CRK: variants seen among roughly 807,000 people sequenced by gnomAD.
The protein encoded by CRK is adapter molecule crk.
In CRK, 4 loss-of-function variants were observed where a neutral mutation model predicts 29.8. The observed-to-expected ratio is 0.13, with a 90% CI of 0.07 to 0.31. The LOEUF (loss-of-function observed/expected upper bound fraction) is 0.31, where lower values mean the gene tolerates loss of function less well. Ranked by LOEUF, CRK falls within the 10% of genes least tolerant of loss-of-function variation. The pLI is 1.00. For synonymous variants in CRK, 153 were observed against 164.9 expected (o/e 0.93, Z 0.55); for missense variants, 274 against 396.5 (o/e 0.69, Z 2.62).
chr17:1,447,366 C>G (rs1247110355), intron 1 of CRK, among the ~76,000 whole-genome samples: 1 of 151,788 alleles, frequency 6.6e-6, no homozygotes, highest in Admixed American at 6.6e-5. Context: ...AAACGGAAAT[C>G]AAAATCAATG....
intron 1 of CRK, among the ~76,000 whole-genome samples, chr17:1,453,014 G>A (rs2074030469): frequency 6.6e-6 from 1 of 152,160 alleles, no homozygotes; most frequent in Non-Finnish European, 1.5e-5. Context: ...AGGATGAAGT[G>A]GGAGGATGGC....
intron 1 of CRK, among the ~76,000 whole-genome samples, chr17:1,444,042 G>A (rs1326262778): frequency 6.6e-6 from 1 of 151,852 alleles, no homozygotes; most frequent in Non-Finnish European, 1.5e-5. Context: ...TGTCGCCCAG[G>A]CAGGTCTTGA....
chr17:1,441,497 AT>A (rs967972387), intron 1 of CRK, among the ~76,000 whole-genome samples: 24 of 146,444 alleles, frequency 1.6e-4, no homozygotes, highest in African/African-American at 2.0e-4. Context: ...CACCCAGCTG[AT>A]TTTTTTTTTT....
chr17:1,432,247 G>A (rs898884538), intron 2 of CRK, among the ~76,000 whole-genome samples: 9 of 152,122 alleles, frequency 5.9e-5, no homozygotes, highest in African/African-American at 2.2e-4. Flanking sequence ...CCAGCACTTT[G>A]GGAGGCTGAG....
At chr17:1,441,651 C>T (rs2073935975) in intron 1 of CRK, among the ~76,000 whole-genome samples, 1 of 151,888 alleles carries the variant, frequency 6.6e-6, no homozygotes. Context: ...GCCACCACAC[C>T]CGGCTAATTT....
intron 2 of CRK, 146 bp downstream of exon 2, chr17:1,436,474 C>T (rs1423888482): frequency 2.4e-6 from 2 of 816,922 alleles, no homozygotes; most frequent in African/African-American, 1.8e-5. Flanking sequence ...AAGAGAAAAC[C>T]CAACATTCAA....
chr17:1,455,884 A>G lies in CRK; in HGVS notation c.234T>C (p.Pro78=). The change falls in exon 1 of 3, where the codon CCT becomes CCC. Residue 78 remains proline (P), a synonymous_variant. Transcript: ENST00000300574. The part of the protein sequence containing the change: ...RPPVPPSPAQ[P]PPGVSPSRLR... ...GTCCCGTCAGTCCCTCACCGGGCGG[A>G]GGCTGGGCGGGCGACGGTGGCACCG... The G allele has an allele frequency of 1.9e-6, 3 of 1,584,242 alleles. No individual in the cohort carries two copies. In the South Asian group the frequency reaches 3.4e-5, roughly 18 times the overall value.
At chr17:1,427,454 G>A (rs1295530040) in intron 2 of CRK, among the ~76,000 whole-genome samples, 7 of 151,472 alleles carry the variant, frequency 4.6e-5, no homozygotes, top group Admixed American at 1.3e-4. Flanking sequence ...TTAGCCAGGC[G>A]TGCTGGCGGG....
chr17:1,431,690 C>T (rs1490306240), intron 2 of CRK, among the ~76,000 whole-genome samples: 15 of 152,166 alleles, frequency 9.9e-5, no homozygotes, highest in Non-Finnish European at 2.1e-4. Flanking sequence ...CAGGCTGAAG[C>T]CATCCTCCCA....
intron 1 of CRK, among the ~76,000 whole-genome samples, chr17:1,442,936 C>G (rs1320405958): frequency 6.6e-6 from 1 of 150,958 alleles, no homozygotes; most frequent in Non-Finnish European, 1.5e-5. Flanking sequence ...GCTGTCCAGG[C>G]TGGAGTGCAG....
intron 2 of CRK, among the ~76,000 whole-genome samples, chr17:1,424,275 C>T (rs553050694): frequency 2.6e-5 from 4 of 152,210 alleles, no homozygotes; most frequent in African/African-American, 9.6e-5. Flanking sequence ...CCATCTTGGC[C>T]AGGCTGGTCT....
Position 1,436,740 on chromosome 17 carries a change from C to A in CRK, c.657G>T (p.Gly219=). ...TGTTGACGCTGGGTTGGGCATAGGG[C>A]CCAGGCTCCGGCCCACCCAGTGGCT... is the stretch of plus-strand genomic sequence containing the variant. ...HPQPLGGPEP[G]PYAQPSVNTP... Residue 219 remains glycine, a synonymous_variant, in exon 2 of 3, where the codon GGG becomes GGT. Coordinates refer to ENST00000300574, the MANE Select transcript of CRK (RefSeq NM_016823.4). 1 of 1,599,402 alleles carries A rather than the reference C, an allele frequency of 6.3e-7. No homozygotes were observed. Among genetic ancestry groups the A allele is most frequent in the Non-Finnish European group, 8.5e-7 (1 of 1,174,084 alleles).
chr17:1,431,686 G>C (rs6502685), intron 2 of CRK, among the ~76,000 whole-genome samples: 114,605 of 152,106 alleles, frequency 0.75, 43,850 homozygotes, highest in African/African-American at 0.89. Flanking sequence ...CTCCCAGGCT[G>C]AAGCCATCCT....
At chr17:1,445,915 CAG>C (rs2073971240) in intron 1 of CRK, among the ~76,000 whole-genome samples, 1 of 152,144 alleles carries the variant, frequency 6.6e-6, no homozygotes, top group South Asian at 2.1e-4. Context: ...GGTCAGTGCT[CAG>C]TTAAGTGTTG....
chr17:1,437,061 T>A lies in CRK; in HGVS notation c.336A>T (p.Thr112=), dbSNP rs765037033. The A allele has an allele frequency of 7.4e-6, 12 of 1,614,046 alleles. No individual in the cohort carries two copies. The East Asian group carries it at 1.8e-4, about 24-fold the overall frequency. The change falls in exon 2 of 3, where the codon ACA becomes ACT. Residue 112 remains threonine, a synonymous_variant. Coordinates refer to ENST00000300574, the MANE Select transcript of CRK (RefSeq NM_016823.4). ...ATCTGGAAACTGGTTCTATCAACGTTGTAGTGTCCAAATAGTGTATTTTGT... is the reference window on the plus strand; with the variant it reads ...ATCTGGAAACTGGTTCTATCAACGTAGTAGTGTCCAAATAGTGTATTTTGT... ...EFYKIHYLDT[T]TLIEPVSRSR...
At position 1,441,241 on chromosome 17, in the gene CRK, T is replaced by C. The variant is rs1354774808; in HGVS notation, c.242-4086A>G. On this transcript the variant is annotated intron_variant, in intron 1 of 2. Coordinates refer to ENST00000300574, the MANE Select transcript of CRK (RefSeq NM_016823.4). Reference sequence around the variant, plus strand: ...CCACGCCTGGCCTTGGCTTTGTTTTTTGAGACAGGAGACTCCCTATGTGGC... The same window carrying C: ...CCACGCCTGGCCTTGGCTTTGTTTTCTGAGACAGGAGACTCCCTATGTGGC... 3.3e-5 allele frequency among the ~76,000 whole-genome samples: 5 copies of C among 151,984 alleles called. No homozygotes were observed. The East Asian group carries it at 9.7e-4, about 30-fold the overall frequency.
In CRK at chr17:1,431,040, C is replaced by T. The variant is rs1018523190; in HGVS notation, c.777+5580G>A. 8.6e-5 allele frequency among the ~76,000 whole-genome samples: 13 copies of T among 151,848 alleles called. 1 individual carries two copies. The highest frequency in any genetic ancestry group is 8.6e-4 in the Admixed American group (13 of 15,200). ...CCGAGATCACGCACTGCACTCCAGC[C>T]TGGGCGACAGAGTGAGACTCCGTCT... On this transcript the variant is annotated intron_variant, in intron 2 of 2. Transcript: ENST00000300574.
chr17:1,453,938 C>A (rs1434886384), intron 1 of CRK, among the ~76,000 whole-genome samples: 1 of 151,884 alleles, frequency 6.6e-6, no homozygotes, highest in Non-Finnish European at 1.5e-5. Flanking sequence ...CGGTGGCCCA[C>A]GCCTGTAATC....
At chr17:1,439,257 G>C (rs1444845210) in intron 1 of CRK, among the ~76,000 whole-genome samples, 1 of 152,060 alleles carries the variant, frequency 6.6e-6, no homozygotes, top group Non-Finnish European at 1.5e-5. Flanking sequence ...CACCATGCCT[G>C]GCTAATTTTT....
Sources: allele counts gnomAD v4.1 joint callset (sites outside exome capture counted in the v4.1 genomes callset), GRCh38; gene constraint gnomAD v4.1.1; transcripts MANE v1.5; gene names NCBI Gene and HGNC (gene_info 2026-07-23, HGNC 2026-07-21).